The following RBFOX1 variants were observed in gnomAD, a reference collection of about 807,000 sequenced individuals.
RBFOX1 encodes RNA binding fox-1 homolog 1.
RBFOX1 carries 8 observed loss-of-function variants against 57.7 expected under a neutral mutation model. The ratio of observed to expected loss-of-function variants is 0.14; its 90% CI spans 0.08 to 0.25. The LOEUF is 0.25. Ranked by LOEUF, RBFOX1 falls within the 10% of genes least tolerant of loss-of-function variation. The pLI is 1.00. For synonymous variants in RBFOX1, 326 were observed against 222.4 expected, an observed-to-expected ratio of 1.47 and a Z score of -4.15; for missense variants, 611 against 548.5, an observed-to-expected ratio of 1.11 and a Z score of -1.14.
At chr16:5,864,737 C>G (rs1263755912) in intron 3 of RBFOX1, among the ~76,000 whole-genome samples, 1 of 152,212 alleles carries the variant, frequency 6.6e-6, no homozygotes. Context: ...AGTCCAACAG[C>G]CACATTCAGA....
intron 4 of RBFOX1, among the ~76,000 whole-genome samples, chr16:5,889,310 G>C (rs753153763): frequency 3.9e-5 from 6 of 152,144 alleles, no homozygotes; most frequent in Non-Finnish European, 8.8e-5. Context: ...TTATAAGTGA[G>C]AACACGTGGT....
intron 4 of RBFOX1, among the ~76,000 whole-genome samples, chr16:7,089,632 C>T (rs1056965678): frequency 2.6e-5 from 4 of 152,096 alleles, no homozygotes; most frequent in African/African-American, 9.7e-5. Context: ...AGTTTGTTAG[C>T]TCTTACATAT....
In RBFOX1 at chr16:7,595,436, C is replaced by T. The variant is rs1171110521; in HGVS notation, c.469-113C>T. 7.9e-6 allele frequency: 6 copies of T among 756,760 alleles called. No homozygotes were observed. In the East Asian group the frequency reaches 1.2e-4, roughly 15 times the overall value. The allele number at this position is 756,760 out of a possible 1,614,324, so 46.9% of individuals were successfully genotyped here. A position where few individuals can be genotyped will look rare whatever the true frequency, so the allele number is the denominator to read the frequency against. On this transcript the variant is annotated intron_variant, in intron 7 of 15. Coordinates refer to ENST00000550418, the MANE Select transcript of RBFOX1 (RefSeq NM_018723.4). Reference sequence around the variant, plus strand: ...TATAATTTCTCTAATTTGCATGTTACAGAACTGAAGCCAGGACAAGAAATA... The same window carrying T: ...TATAATTTCTCTAATTTGCATGTTATAGAACTGAAGCCAGGACAAGAAATA...
At chr16:7,014,384 T>A (rs539674652) in intron 3 of RBFOX1, among the ~76,000 whole-genome samples, 2 of 151,736 alleles carry the variant, frequency 1.3e-5, no homozygotes, top group Admixed American at 1.3e-4. Context: ...GGCTTTTTTT[T>A]ATTTTTATTT....
intron 2 of RBFOX1, among the ~76,000 whole-genome samples, chr16:6,555,797 G>T (rs1356541325): frequency 6.6e-6 from 1 of 152,132 alleles, no homozygotes; most frequent in Non-Finnish European, 1.5e-5. Context: ...TAGTTGCATT[G>T]ACATTTAGGC....
At chr16:7,495,572 G>C (rs1004293695) in intron 4 of RBFOX1, among the ~76,000 whole-genome samples, 1 of 152,180 alleles carries the variant, frequency 6.6e-6, no homozygotes, top group African/African-American at 2.4e-5. Context: ...CCCTGATGAT[G>C]ATTATAAGCA....
chr16:7,697,978 T>A (rs1364008818), intron 14 of RBFOX1, among the ~76,000 whole-genome samples: 1 of 152,150 alleles, frequency 6.6e-6, no homozygotes, highest in African/African-American at 2.4e-5. Flanking sequence ...CTGGTGTAGT[T>A]GTGGGGACAG....
intron 2 of RBFOX1, among the ~76,000 whole-genome samples, chr16:6,509,313 G>A (rs552989687): frequency 1.1e-3 from 175 of 152,178 alleles, no homozygotes; most frequent in African/African-American, 3.8e-3. Flanking sequence ...AATTGGTAAC[G>A]AAAATATGGT....
At chr16:5,591,341 T>A (rs1377996706) in intron 2 of RBFOX1, among the ~76,000 whole-genome samples, 3 of 151,666 alleles carry the variant, frequency 2.0e-5, no homozygotes, top group Non-Finnish European at 4.4e-5. Flanking sequence ...AACATCTGCC[T>A]CCTGGGTTCA....
chr16:5,646,177 G>A (rs1489402302), intron 3 of RBFOX1, among the ~76,000 whole-genome samples: 1 of 130,342 alleles, frequency 7.7e-6, no homozygotes, highest in Non-Finnish European at 1.6e-5. Context: ...TTACAGGCAC[G>A]TGCTATTTTT....
chr16:6,501,616 G>T (rs2095932098), intron 2 of RBFOX1, among the ~76,000 whole-genome samples: 1 of 152,076 alleles, frequency 6.6e-6, no homozygotes, highest in African/African-American at 2.4e-5. Flanking sequence ...GCATGCATGT[G>T]TCTTTATAGC....
chr16:6,331,900 C>G (rs769051273), intron 2 of RBFOX1, among the ~76,000 whole-genome samples: 2 of 152,036 alleles, frequency 1.3e-5, no homozygotes, highest in African/African-American at 4.8e-5. Flanking sequence ...ATCTTCCATC[C>G]TACCTAGGAT....
At chr16:7,012,488 C>T (rs1045449986) in intron 3 of RBFOX1, among the ~76,000 whole-genome samples, 3 of 152,180 alleles carry the variant, frequency 2.0e-5, no homozygotes, top group African/African-American at 7.2e-5. Context: ...TTTCCCAAGC[C>T]ATGTTAATAA....
At chr16:6,414,743 G>A (rs1335674961) in intron 2 of RBFOX1, among the ~76,000 whole-genome samples, 2 of 152,094 alleles carry the variant, frequency 1.3e-5, no homozygotes. Context: ...ACTCTACAAA[G>A]CAGGGATTCT....
chr16:7,588,644 C>A (rs567257449), intron 7 of RBFOX1, among the ~76,000 whole-genome samples: 37 of 152,270 alleles, frequency 2.4e-4, no homozygotes, highest in African/African-American at 8.9e-4. Flanking sequence ...CTTACACAGG[C>A]GATTTGAGGC....
At chr16:7,480,124 C>G (rs895414346) in intron 4 of RBFOX1, among the ~76,000 whole-genome samples, 1 of 152,148 alleles carries the variant, frequency 6.6e-6, no homozygotes, top group Non-Finnish European at 1.5e-5. Flanking sequence ...TATCTTGTGC[C>G]TTTCTTGTTA....
At chr16:7,471,739 G>GT (rs757049535) in intron 4 of RBFOX1, among the ~76,000 whole-genome samples, 3 of 152,164 alleles carry the variant, frequency 2.0e-5, no homozygotes, top group Non-Finnish European at 2.9e-5. Flanking sequence ...TGTTTTTAAA[G>GT]TAGAAGAGAC....
chr16:5,698,521 C>G (rs1010351210), intron 3 of RBFOX1, among the ~76,000 whole-genome samples: 1 of 152,080 alleles, frequency 6.6e-6, no homozygotes, highest in Admixed American at 6.5e-5. Flanking sequence ...TACAGAGCTG[C>G]TTTATAGTTT....
At chr16:6,451,155 G>T (rs1320903985) in intron 2 of RBFOX1, among the ~76,000 whole-genome samples, 1 of 151,510 alleles carries the variant, frequency 6.6e-6, no homozygotes, top group African/African-American at 2.4e-5. Flanking sequence ...TCCAGTGCAT[G>T]CTTGTAAATT....
Sources: allele counts gnomAD v4.1 joint callset (sites outside exome capture counted in the v4.1 genomes callset), GRCh38; gene constraint gnomAD v4.1.1; transcripts MANE v1.5; gene names NCBI Gene and HGNC (gene_info 2026-07-23, HGNC 2026-07-21).